Variants in MYO15A observed in about 807,000 individuals in gnomAD.
MYO15A encodes myosin XVA, also known as unconventional myosin-XV.
A neutral mutation model predicts 394.6 loss-of-function variants in MYO15A; 308 were observed. The observed-to-expected ratio is 0.78, with a 90% CI of 0.71 to 0.86. The LOEUF (loss-of-function observed/expected upper bound fraction) is 0.86, where lower values mean the gene tolerates loss of function less well. MYO15A is among the 40% of genes least tolerant of loss of function. The pLI is 0.00. For synonymous variants in MYO15A, 1,957 were observed against 2,003.8 expected, an observed-to-expected ratio of 0.98 and a Z score of 0.62; for missense variants, 4,606 against 4,799.1, an observed-to-expected ratio of 0.96 and a Z score of 1.19.
rs954239861 is a variant in MYO15A, at chr17:18,148,621, G to A, written c.6764+53G>A. 4 of 1,548,240 alleles carry A rather than the reference G, an allele frequency of 2.6e-6. No homozygotes were observed. The highest frequency in any genetic ancestry group is 2.4e-5 in the East Asian group (1 of 40,886). On this transcript the variant is annotated intron_variant, in intron 32 of 65. Coordinates refer to ENST00000647165, the MANE Select transcript of MYO15A (RefSeq NM_016239.4). This position sits in a 1 kb window ranked among gnomAD's most constrained non-coding sequence, Gnocchi z 4.8. Reference sequence around the variant, plus strand: ...CACTCTTATGTACCTGGAATGTTGTGGGGGGAGGTCAGATCCCCCAGAGGG... The same window carrying A: ...CACTCTTATGTACCTGGAATGTTGTAGGGGGAGGTCAGATCCCCCAGAGGG...
intron 62 of MYO15A, among the ~76,000 whole-genome samples, chr17:18,170,546 C>T (rs772483707): frequency 9.9e-5 from 15 of 151,636 alleles, no homozygotes; most frequent in East Asian, 5.8e-4. Flanking sequence ...TTTGTAGAGA[C>T]GGGGGTCTTA....
At chr17:18,140,980 G>T in intron 21 of MYO15A, 39 bp from the exon 22 acceptor site, 1 of 1,613,168 alleles carries the variant, frequency 6.2e-7, no homozygotes, top group East Asian at 2.2e-5. Context: ...GCACATGGCT[G>T]AGCCAATGTG....
chr17:18,111,361 A>C (rs918154236), intron 1 of MYO15A, among the ~76,000 whole-genome samples: 9 of 135,368 alleles, frequency 6.6e-5, no homozygotes, highest in South Asian at 5.3e-4. Flanking sequence ...AAAAAAAAAA[A>C]AAAAACAAAG....
chr17:18,123,859 G>A (rs1485227675), intron 2 of MYO15A: 1 of 160,326 alleles, frequency 6.2e-6, no homozygotes, highest in East Asian at 1.7e-4. Flanking sequence ...GCGCCCACAT[G>A]TATGTGCCAA....
intron 64 of MYO15A, 138 bp downstream of exon 64, chr17:18,172,428 C>A: frequency 7.8e-7 from 1 of 1,288,368 alleles, no homozygotes; most frequent in Non-Finnish European, 1.1e-6. Context: ...CAAGTCTCTT[C>A]CCTCCTCTGA....
intron 65 of MYO15A, among the ~76,000 whole-genome samples, chr17:18,176,291 G>T (rs572031237): frequency 6.6e-6 from 1 of 152,110 alleles, no homozygotes; most frequent in Non-Finnish European, 1.5e-5. Flanking sequence ...TTCTGTGGAG[G>T]CCTCACGAAG....
chr17:18,148,024 A>T lies in MYO15A; in HGVS notation c.6510-5A>T, dbSNP rs1318874733. ...TTGATCCTGGCTCCAACTCCTACCC[A>T]TCAGGTTTGTGTCTGATTATGGGCG... On this transcript the variant is annotated splice_polypyrimidine_tract_variant and splice_region_variant and intron_variant, in intron 30 of 65. Coordinates refer to ENST00000647165, the MANE Select transcript of MYO15A (RefSeq NM_016239.4). This position sits in a 1 kb window ranked among gnomAD's most constrained non-coding sequence, Gnocchi z 4.8. 20 of 1,613,852 alleles carry T rather than the reference A, an allele frequency of 1.2e-5. No individual in the cohort carries two copies. The African/African-American group carries it at 2.5e-4, about 20-fold the overall frequency.
In MYO15A at chr17:18,166,353, C is replaced by CT. The variant is rs1290724663; in HGVS notation, c.9788-7dup. On this transcript the variant is annotated splice_polypyrimidine_tract_variant and splice_region_variant and intron_variant, in intron 60 of 65. Coordinates refer to ENST00000647165, the MANE Select transcript of MYO15A (RefSeq NM_016239.4). ...CCCCACCCAGCCCTGCCTCCCTGCT[C>CT]TCTGCAGGCCAGCATGTGTGCCCAC... is the stretch of plus-strand genomic sequence containing the variant. 6.2e-7 allele frequency: 1 copy of CT among 1,612,010 alleles called. No individual in the cohort carries two copies. The highest frequency in any genetic ancestry group is 1.1e-5 in the South Asian group (1 of 91,076).
At chr17:18,125,374 T>C in intron 4 of MYO15A, 143 bp downstream of exon 4, 2 of 831,898 alleles carry the variant, frequency 2.4e-6, no homozygotes, top group Non-Finnish European at 4.0e-6. Context: ...AACTAAAATC[T>C]GAAGTCTTAA....
intron 56 of MYO15A, 168 bp from the exon 57 acceptor site, chr17:18,161,149 A>T: frequency 9.2e-7 from 1 of 1,090,824 alleles, no homozygotes; most frequent in Non-Finnish European, 1.3e-6. Flanking sequence ...CCCAATCCTG[A>T]CTTCCCAAGC....
chr17:18,163,796 G>A lies in MYO15A; in HGVS notation c.9745G>A (p.Glu3249Lys), dbSNP rs376136307. The change falls in exon 60 of 66, where the codon GAG becomes AAG. Residue 3249 changes from glutamate (E) to lysine (K), a missense_variant. By Grantham distance (56) the Glu-to-Lys change is moderately conservative. Around this residue, in one of 2 missense-constraint regions of MYO15A, gnomAD observed 2,776 missense variants for 3,109.3 expected, o/e 0.89. Coordinates refer to ENST00000647165, the MANE Select transcript of MYO15A (RefSeq NM_016239.4). ...ICAEMALTRPEAFNEYVIFVV... is the reference protein window; with the variant it reads ...ICAEMALTRPKAFNEYVIFVV... ...TGCTGAGATGGCTCTGACACGCCCT[G>A]AGGCCTTCAATGAATATGTTATCTT... 1.4e-5 allele frequency: 23 copies of A among 1,613,970 alleles called. No homozygotes were observed. The African/African-American group carries it at 1.6e-4, about 11-fold the overall frequency.
At chr17:18,109,488 G>C (rs968206916) in intron 1 of MYO15A, 2 of 154,118 alleles carry the variant, frequency 1.3e-5, no homozygotes, top group Admixed American at 1.3e-4. Context: ...GTGAGAGAGC[G>C]AGCAAGGGAT....
Position 18,120,896 on chromosome 17 carries a change from G to C in MYO15A, c.2096G>C (p.Arg699Pro). 7.2e-7 allele frequency: 1 copy of C among 1,387,766 alleles called. No homozygotes were observed. Among genetic ancestry groups the C allele is most frequent in the Non-Finnish European group, 9.3e-7 (1 of 1,073,362 alleles). The allele number at this position is 1,387,766 out of a possible 1,614,324, so 86.0% of individuals were successfully genotyped here. The change falls in exon 2 of 66, where the codon CGC (arginine) becomes CCC (proline). Residue 699 changes from arginine (R) to proline (P), a missense_variant. Arg to Pro is a moderately radical substitution (Grantham distance 103). Around this residue, in one of 2 missense-constraint regions of MYO15A, gnomAD observed 1,830 missense variants for 1,689.7 expected, o/e 1.08. Transcript: ENST00000647165. ...RPASPYGSLR[R>P]HPPPWAAPAH... ...GCCTCGCCCTACGGCTCCCTCCGCC[G>C]CCACCCGCCGCCCTGGGCCGCCCCA...
At chr17:18,156,650 T>C (rs754313379) in intron 48 of MYO15A, among the ~76,000 whole-genome samples, 21 of 152,312 alleles carry the variant, frequency 1.4e-4, no homozygotes, top group South Asian at 8.3e-4. Flanking sequence ...TGCCCACTCC[T>C]GACTGGCAGC....
Position 18,148,382 on chromosome 17 carries a change from C to T in MYO15A, c.6692-114C>T. The T allele has an allele frequency of 1.4e-6, 2 of 1,466,630 alleles. No homozygotes were observed. The highest frequency in any genetic ancestry group is 1.9e-6 in the Non-Finnish European group (2 of 1,075,576). 90.9% of individuals were successfully genotyped at this position (1,466,630 alleles called of 1,614,324 possible). A position where few individuals can be genotyped will look rare whatever the true frequency, so the allele number is the denominator to read the frequency against. On this transcript the variant is annotated intron_variant, in intron 31 of 65. Coordinates refer to ENST00000647165, the MANE Select transcript of MYO15A (RefSeq NM_016239.4). The surrounding 1 kb of genome is among the most constrained non-coding windows in gnomAD (Gnocchi z 4.8). Reference sequence around the variant, plus strand: ...TGGGACCTGGCCCAGGAAAGGGGAGCCAGGGAAGTGAGGCTACAGATACAG... The same window carrying T: ...TGGGACCTGGCCCAGGAAAGGGGAGTCAGGGAAGTGAGGCTACAGATACAG...
intron 12 of MYO15A, among the ~76,000 whole-genome samples, chr17:18,133,626 T>C (rs1316943839): frequency 6.6e-6 from 1 of 152,216 alleles, no homozygotes; most frequent in African/African-American, 2.4e-5. Context: ...TGTTTTAACT[T>C]TGTTTACAAT....
chr17:18,119,054 A>T lies in MYO15A; in HGVS notation c.254A>T (p.Lys85Met), dbSNP rs748660803. The T allele has an allele frequency of 6.2e-7, 1 of 1,612,470 alleles. No individual in the cohort carries two copies. Among genetic ancestry groups the T allele is most frequent in the Admixed American group, 1.7e-5 (1 of 59,930 alleles). ...KARTVLKSTS[K>M]LMTQMRMGKK... ...CGCACCGTGCTCAAGTCCACGTCAA[A>T]GCTCATGACGCAGATGCGCATGGGC... Residue 85 changes from lysine (K) to methionine (M), a missense_variant, in exon 2 of 66, where the codon AAG (lysine) becomes ATG (methionine). Around this residue, in one of 2 missense-constraint regions of MYO15A, gnomAD observed 1,830 missense variants for 1,689.7 expected, o/e 1.08. Coordinates refer to ENST00000647165, the MANE Select transcript of MYO15A (RefSeq NM_016239.4).
At chr17:18,158,291 C>A (rs1310153111) in intron 51 of MYO15A, 1 of 583,954 alleles carries the variant, frequency 1.7e-6, no homozygotes. Context: ...AAGTCAACCC[C>A]GGGCAAGGGC....
At chr17:18,111,832 G>T (rs1319891279) in intron 1 of MYO15A, among the ~76,000 whole-genome samples, 8 of 152,020 alleles carry the variant, frequency 5.3e-5, no homozygotes, top group African/African-American at 1.7e-4. Context: ...GCCCAGGTCA[G>T]CCCTGGTAAG....
Sources: gnomAD v4.1 joint callset for allele counts (sites outside exome capture counted in the v4.1 genomes callset) on GRCh38, gnomAD v4.1.1 for gene constraint, gnomAD v4.1.1 regional missense constraint, Gnocchi (gnomAD v3.1) non-coding constraint, MANE v1.5 for transcripts, NCBI Gene and HGNC (gene_info 2026-07-23, HGNC 2026-07-21) for gene names.